The following DGKG variants were observed in gnomAD, a reference collection of about 807,000 sequenced individuals.
The protein encoded by DGKG is DAG kinase gamma.
Under a neutral mutation model 105.3 loss-of-function variants are expected in DGKG, and 78 were observed. The ratio of observed to expected loss-of-function variants is 0.74; its 90% CI spans 0.62 to 0.89. DGKG has a LOEUF of 0.89. DGKG is among the 40% of genes least tolerant of loss of function. DGKG has a pLI of 0.00. For synonymous variants in DGKG, 346 were observed against 367.1 expected (o/e 0.94, Z 0.66); for missense variants, 958 against 1,020.1 (o/e 0.94, Z 0.83).
chr3:186,309,973 GA>G (rs369359210), intron 2 of DGKG, among the ~76,000 whole-genome samples: 16 of 147,926 alleles, frequency 1.1e-4, no homozygotes, highest in South Asian at 4.3e-4. Context: ...AAATTAAATG[GA>G]AAAAAAAAAC....
At position 186,267,757 on chromosome 3, in the gene DGKG, T is replaced by A. The variant is rs776684397; in HGVS notation, c.1137A>T (p.Leu379Phe). The change falls in exon 13 of 25, where the codon TTA (leucine) becomes TTT (phenylalanine). Residue 379 changes from leucine to phenylalanine, a missense_variant. By Grantham distance (22) the Leu-to-Phe change is conservative (BLOSUM62 0). This residue lies in a region of DGKG where 643 missense variants were observed against 619.5 expected (regional missense o/e 1.04). Coordinates refer to ENST00000265022, the MANE Select transcript of DGKG (RefSeq NM_001346.3). Reference sequence around the variant, plus strand: ...GTTCCCCACCGTCACACAACGTTGATAATTCACATTTGCGGTGAAACTGGG... The same window carrying A: ...GTTCCCCACCGTCACACAACGTTGAAAATTCACATTTGCGGTGAAACTGGG... ...CRMTFHRKCE[L>F]STLCDGGELR... 1.2e-6 allele frequency: 2 copies of A among 1,613,980 alleles called. No individual in the cohort carries two copies. Among genetic ancestry groups the A allele is most frequent in the Non-Finnish European group, 1.7e-6 (2 of 1,179,900 alleles).
In DGKG at chr3:186,149,952, G is replaced by A; in HGVS notation, c.*138C>T. The A allele has an allele frequency of 7.0e-7, 1 of 1,427,050 alleles. No individual in the cohort carries two copies. The highest frequency in any genetic ancestry group is 9.1e-7 in the Non-Finnish European group (1 of 1,093,816). The allele number at this position is 1,427,050 out of a possible 1,614,324, so 88.4% of individuals were successfully genotyped here. A position where few individuals can be genotyped will look rare whatever the true frequency, so the allele number is the denominator to read the frequency against. On this transcript the variant is annotated 3_prime_UTR_variant, in exon 25 of 25. Coordinates refer to ENST00000265022, the MANE Select transcript of DGKG (RefSeq NM_001346.3). ...GGTGACGTTTTCTTCCCGAAGGGTG[G>A]CTTTGCTTCCACTGGTTAGAGAAGA... is the stretch of plus-strand genomic sequence containing the variant.
At chr3:186,189,016 C>T (rs1409281442) in intron 21 of DGKG, among the ~76,000 whole-genome samples, 3 of 151,918 alleles carry the variant, frequency 2.0e-5, no homozygotes, top group Non-Finnish European at 2.9e-5. Context: ...GGTTTCACTA[C>T]GTTGGCCAGG....
chr3:186,297,306 T>C, intron 5 of DGKG, 115 bp downstream of exon 5: 1 of 785,336 alleles, frequency 1.3e-6, no homozygotes, highest in East Asian at 2.4e-5. Context: ...GGACCAGATC[T>C]GCATAAGATT....
At chr3:186,156,298 G>A (rs1050393974) in intron 24 of DGKG, among the ~76,000 whole-genome samples, 5 of 151,980 alleles carry the variant, frequency 3.3e-5, no homozygotes, top group Admixed American at 3.3e-4. Flanking sequence ...AATATAGTTT[G>A]AGGTGAGAGG....
At chr3:186,260,641 CGGAGG>C (rs963768339) in intron 15 of DGKG, 128 bp from the exon 16 acceptor site, 2 of 722,146 alleles carry the variant, frequency 2.8e-6, no homozygotes, top group Non-Finnish European at 4.7e-6. Context: ...ATTTAAACCC[CGGAGG>C]GGAGGGCACT....
intron 1 of DGKG, among the ~76,000 whole-genome samples, chr3:186,328,198 G>T (rs985208568): frequency 6.6e-6 from 1 of 152,142 alleles, no homozygotes; most frequent in African/African-American, 2.4e-5. Context: ...CTTTTCTATA[G>T]CTTTTTGGAA....
chr3:186,188,293 A>G lies in DGKG; in HGVS notation c.2004T>C (p.Asn668=). 1 of 1,614,008 alleles carries G rather than the reference A, an allele frequency of 6.2e-7. No homozygotes were observed. The highest frequency in any genetic ancestry group is 8.5e-7 in the Non-Finnish European group (1 of 1,180,010). Residue 668 remains asparagine (N), a synonymous_variant, in exon 22 of 25, where the codon AAT becomes AAC. Transcript: ENST00000265022. Reference sequence around the variant, plus strand: ...GGTTCTTCTTGTTTTCTCCCCAGAGATTGGTGCCTCCGTACATGCTGGGAA... The same window carrying G: ...GGTTCTTCTTGTTTTCTCCCCAGAGGTTGGTGCCTCCGTACATGCTGGGAA... The part of the protein sequence containing the change: ...LNIPSMYGGT[N]LWGENKKNRA...
intron 21 of DGKG, among the ~76,000 whole-genome samples, chr3:186,192,060 T>G (rs1717933708): frequency 6.6e-6 from 1 of 152,164 alleles, no homozygotes; most frequent in Non-Finnish European, 1.5e-5. Context: ...CAGGCTGGAG[T>G]GCGGTAGTGT....
intron 1 of DGKG, among the ~76,000 whole-genome samples, chr3:186,326,237 C>T (rs1223311415): frequency 6.6e-6 from 1 of 152,050 alleles, no homozygotes; most frequent in Non-Finnish European, 1.5e-5. Flanking sequence ...ATTAAAAATA[C>T]AAAAATTAGC....
chr3:186,335,620 G>T (rs1383733217), intron 1 of DGKG, among the ~76,000 whole-genome samples: 1 of 152,158 alleles, frequency 6.6e-6, no homozygotes, highest in Non-Finnish European at 1.5e-5. Context: ...TAATATCCTT[G>T]TTGGTAGAAA....
chr3:186,345,730 A>G (rs2108664787), intron 1 of DGKG, among the ~76,000 whole-genome samples: 1 of 152,248 alleles, frequency 6.6e-6, no homozygotes, highest in Admixed American at 6.5e-5. Context: ...GTATCAATGC[A>G]TATCTACTGT....
chr3:186,328,037 A>G (rs970535190), intron 1 of DGKG, among the ~76,000 whole-genome samples: 2 of 152,108 alleles, frequency 1.3e-5, no homozygotes, highest in Non-Finnish European at 2.9e-5. Context: ...TACTCTTAGC[A>G]CTAGCAAAGT....
At chr3:186,273,259 T>C (rs1376575181) in intron 10 of DGKG, among the ~76,000 whole-genome samples, 2 of 152,062 alleles carry the variant, frequency 1.3e-5, no homozygotes, top group Non-Finnish European at 2.9e-5. Context: ...ACTACCATTA[T>C]GTGAACAGCA....
chr3:186,264,002 T>C (rs1449914835), intron 14 of DGKG, among the ~76,000 whole-genome samples: 1 of 152,236 alleles, frequency 6.6e-6, no homozygotes, highest in Non-Finnish European at 1.5e-5. Flanking sequence ...CAGAAGCATC[T>C]TGGAGGCTGA....
chr3:186,336,739 G>A (rs540056800), intron 1 of DGKG, among the ~76,000 whole-genome samples: 1 of 152,232 alleles, frequency 6.6e-6, no homozygotes, highest in South Asian at 2.1e-4. Context: ...GAGACAGAGA[G>A]AGAGAGAAGG....
At chr3:186,173,255 T>C (rs1716913893) in intron 22 of DGKG, among the ~76,000 whole-genome samples, 1 of 152,210 alleles carries the variant, frequency 6.6e-6, no homozygotes, top group Non-Finnish European at 1.5e-5. Flanking sequence ...GGGACACAAT[T>C]CGGCCCATAC....
At chr3:186,266,709 T>TGCC (rs1287109196) in intron 13 of DGKG, among the ~76,000 whole-genome samples, 3 of 152,208 alleles carry the variant, frequency 2.0e-5, no homozygotes, top group Non-Finnish European at 4.4e-5. Context: ...GCAATTCTCC[T>TGCC]GCCTCAGCCT....
chr3:186,284,804 AC>A lies in DGKG; in HGVS notation c.545-96del. On this transcript the variant is annotated intron_variant, in intron 6 of 24. Transcript: ENST00000265022. This position sits in a 1 kb window ranked among gnomAD's most constrained non-coding sequence, Gnocchi z 4.0. ...GCCAGGTTTTTAGATTAGTTCTGTC[AC>A]CACTGTGACGAAGGTTATGGCAGCC... The A allele has an allele frequency of 8.0e-6, 8 of 995,160 alleles. No homozygotes were observed. Among genetic ancestry groups the A allele is most frequent in the Non-Finnish European group, 1.3e-5 (8 of 629,078 alleles). The allele number at this position is 995,160 out of a possible 1,614,324, so 61.6% of individuals were successfully genotyped here. A position where few individuals can be genotyped will look rare whatever the true frequency, so the allele number is the denominator to read the frequency against.
Sources: gnomAD v4.1 joint callset for allele counts (sites outside exome capture counted in the v4.1 genomes callset) on GRCh38, gnomAD v4.1.1 for gene constraint, gnomAD v4.1.1 regional missense constraint, Gnocchi (gnomAD v3.1) non-coding constraint, MANE v1.5 for transcripts, NCBI Gene and HGNC (gene_info 2026-07-23, HGNC 2026-07-21) for gene names.